Variants in TWSG1 observed in about 807,000 individuals in gnomAD.
The protein encoded by TWSG1 is twisted gastrulation BMP signaling modulator 1.
Under a neutral mutation model 23.0 loss-of-function variants are expected in TWSG1, and 15 were observed. The ratio of observed to expected loss-of-function variants is 0.65; its 90% CI spans 0.44 to 1.00. TWSG1 has a LOEUF of 1.00. Ranked by LOEUF, TWSG1 falls within the 50% of genes least tolerant of loss-of-function variation. The pLI is 0.00. For missense variants in TWSG1, 242 were observed against 278.7 expected (o/e 0.87, Z 0.94); for synonymous variants, 86 against 92.8 (o/e 0.93, Z 0.42).
intron 3 of TWSG1, among the ~76,000 whole-genome samples, chr18:9,374,048 G>C (rs887908253): frequency 6.6e-6 from 1 of 152,164 alleles, no homozygotes; most frequent in Non-Finnish European, 1.5e-5. Flanking sequence ...CATGAAAGCA[G>C]TGTTTAAGGG....
intron 3 of TWSG1, among the ~76,000 whole-genome samples, chr18:9,361,532 G>A (rs965541642): frequency 3.9e-5 from 6 of 152,116 alleles, no homozygotes; most frequent in Non-Finnish European, 8.8e-5. Flanking sequence ...TTTCACTGAC[G>A]AGCCCTCTAT....
intron 2 of TWSG1, among the ~76,000 whole-genome samples, chr18:9,356,904 TA>T (rs1291146858): frequency 4.1e-5 from 6 of 147,508 alleles, no homozygotes; most frequent in Non-Finnish European, 8.9e-5. Flanking sequence ...ATTTTCTACA[TA>T]TAAAGTAAAT....
In TWSG1 at chr18:9,377,970, C is replaced by T. The variant is rs565727661; in HGVS notation, c.223+17899C>T. Among the ~76,000 whole-genome samples, 12 of 152,038 alleles carry T rather than the reference C, an allele frequency of 7.9e-5. 1 individual carries two copies. In the South Asian group the frequency reaches 2.3e-3, roughly 29 times the overall value. On this transcript the variant is annotated intron_variant, in intron 3 of 4. Transcript: ENST00000262120. ...TTAAGCTCAAGTGATCCACCCGCCTCGGCCTCCCAAAGTGCTGGGATTACA... is the reference window on the plus strand; with the variant it reads ...TTAAGCTCAAGTGATCCACCCGCCTTGGCCTCCCAAAGTGCTGGGATTACA...
In TWSG1 at chr18:9,400,664, TATA is replaced by T. The variant is rs2040758934; in HGVS notation, c.*1140_*1142del. 1.3e-5 allele frequency: 2 copies of T among 152,348 alleles called. No homozygotes were observed. Among genetic ancestry groups the T allele is most frequent in the Admixed American group, 1.3e-4 (2 of 15,304 alleles). 9.4% of individuals were successfully genotyped at this position (152,348 alleles called of 1,614,324 possible). A position where few individuals can be genotyped will look rare whatever the true frequency, so the allele number is the denominator to read the frequency against. ...GGATATAATGTTCTTTTTAAACAAG[TATA>T]ATCATATCGTCGGAGGTTAAGATTA... On this transcript the variant is annotated 3_prime_UTR_variant, in exon 5 of 5. Coordinates refer to ENST00000262120, the MANE Select transcript of TWSG1 (RefSeq NM_020648.6).
At chr18:9,376,551 T>C (rs2145621148) in intron 3 of TWSG1, among the ~76,000 whole-genome samples, 1 of 152,250 alleles carries the variant, frequency 6.6e-6, no homozygotes, top group East Asian at 1.9e-4. Flanking sequence ...AGATCAAAAA[T>C]GTAGTTAGGG....
intron 2 of TWSG1, among the ~76,000 whole-genome samples, chr18:9,342,769 T>C (rs1276073302): frequency 1.2e-4 from 18 of 152,182 alleles, no homozygotes; most frequent in Admixed American, 1.2e-3. Flanking sequence ...TATCTTGTTG[T>C]TTTTAACAGT....
intron 3 of TWSG1, among the ~76,000 whole-genome samples, chr18:9,377,105 G>C (rs2040633954): frequency 6.6e-6 from 1 of 152,108 alleles, no homozygotes; most frequent in African/African-American, 2.4e-5. Context: ...TTTCCTGGGG[G>C]GTCCTGGAAC....
At chr18:9,359,062 A>G (rs1483967452) in intron 2 of TWSG1, among the ~76,000 whole-genome samples, 1 of 152,138 alleles carries the variant, frequency 6.6e-6, no homozygotes, top group Non-Finnish European at 1.5e-5. Flanking sequence ...TGGAATAACA[A>G]ACCACCCTAA....
chr18:9,350,784 A>G (rs1261122711), intron 2 of TWSG1, among the ~76,000 whole-genome samples: 4 of 152,228 alleles, frequency 2.6e-5, no homozygotes, highest in Non-Finnish European at 2.9e-5. Flanking sequence ...CAACATGCTA[A>G]TGAGGTTGGG....
intron 3 of TWSG1, among the ~76,000 whole-genome samples, chr18:9,382,240 G>T (rs934420319): frequency 6.6e-6 from 1 of 152,128 alleles, no homozygotes; most frequent in African/African-American, 2.4e-5. Flanking sequence ...GCTGGGCATG[G>T]TGGCTGGGAG....
chr18:9,356,694 G>A (rs1015093261), intron 2 of TWSG1, among the ~76,000 whole-genome samples: 6 of 151,954 alleles, frequency 3.9e-5, no homozygotes, highest in East Asian at 3.9e-4. Context: ...CTCCAAAATC[G>A]GAAACTTTCT....
At chr18:9,393,767 T>G (rs1206679472) in intron 3 of TWSG1, among the ~76,000 whole-genome samples, 1 of 152,122 alleles carries the variant, frequency 6.6e-6, no homozygotes, top group Non-Finnish European at 1.5e-5. Context: ...CACTATATTG[T>G]CCTGGCTGGT....
In TWSG1 at chr18:9,364,049, T is replaced by G. The variant is rs141878727; in HGVS notation, c.223+3978T>G. 2.9e-3 allele frequency among the ~76,000 whole-genome samples: 449 copies of G among 152,372 alleles called. 2 individuals carry two copies. Among genetic ancestry groups the G allele is most frequent in the African/African-American group, 0.01 (424 of 41,594 alleles). ...TCAAGATCCAACAAAGATTACTCACTGTATTTGGTTGTTAGATTTCTTAAG... is the reference window on the plus strand; with the variant it reads ...TCAAGATCCAACAAAGATTACTCACGGTATTTGGTTGTTAGATTTCTTAAG... On this transcript the variant is annotated intron_variant, in intron 3 of 4. Coordinates refer to ENST00000262120, the MANE Select transcript of TWSG1 (RefSeq NM_020648.6).
Position 9,344,531 on chromosome 18 carries a change from A to ATGTTTTTTT in TWSG1, c.123+7180_123+7181insGTTTTTTTT, listed in dbSNP as rs756535502. ...TGTGTGTGTGTGTGTGTATGTATGTATTTTTTTTTTTTTTTGAGAGAGGAT... is the reference window on the plus strand; with the variant it reads ...TGTGTGTGTGTGTGTGTATGTATGTATGTTTTTTTTTTTTTTTTTTTTTTGAGAGAGGAT... On this transcript the variant is annotated intron_variant, in intron 2 of 4. Transcript: ENST00000262120. 2.7e-3 allele frequency among the ~76,000 whole-genome samples: 273 copies of ATGTTTTTTT among 102,076 alleles called. 24 individuals carry two copies. The East Asian group carries it at 0.033, about 12-fold the overall frequency. 67.0% of individuals were successfully genotyped at this position (102,076 alleles called of 152,430 possible).
intron 3 of TWSG1, among the ~76,000 whole-genome samples, chr18:9,378,051 A>G (rs2040639283): frequency 6.6e-6 from 1 of 152,268 alleles, no homozygotes; most frequent in Admixed American, 6.5e-5. Context: ...AATACATGAA[A>G]GAAAGAACTG....
chr18:9,349,646 C>T (rs1464584103), intron 2 of TWSG1, among the ~76,000 whole-genome samples: 2 of 152,082 alleles, frequency 1.3e-5, no homozygotes, highest in Non-Finnish European at 2.9e-5. Context: ...TTACAGTAAA[C>T]TAAAGAATTA....
chr18:9,365,962 C>T (rs2040576821), intron 3 of TWSG1, among the ~76,000 whole-genome samples: 1 of 152,148 alleles, frequency 6.6e-6, no homozygotes. Context: ...GCTATAATTG[C>T]ACCCCTGCAC....
At position 9,400,606 on chromosome 18, in the gene TWSG1, T is replaced by C. The variant is rs192899622; in HGVS notation, c.*1079T>C. On this transcript the variant is annotated 3_prime_UTR_variant, in exon 5 of 5. Coordinates refer to ENST00000262120, the MANE Select transcript of TWSG1 (RefSeq NM_020648.6). ...GGAAACAAAACTATCTATGTTCATA[T>C]TTTGTAATATTTCATTTGTTAAGTT... The C allele has an allele frequency of 6.6e-6, 1 of 152,380 alleles. No individual in the cohort carries two copies. The highest frequency in any genetic ancestry group is 1.5e-5 in the Non-Finnish European group (1 of 68,038). 9.4% of individuals were successfully genotyped at this position (152,380 alleles called of 1,614,324 possible). A position where few individuals can be genotyped will look rare whatever the true frequency, so the allele number is the denominator to read the frequency against.
At chr18:9,371,530 C>T (rs1417129667) in intron 3 of TWSG1, among the ~76,000 whole-genome samples, 1 of 151,946 alleles carries the variant, frequency 6.6e-6, no homozygotes, top group Non-Finnish European at 1.5e-5. Flanking sequence ...CTCCTGACCT[C>T]GTGATCCGCC....
Sources: allele counts gnomAD v4.1 joint callset (sites outside exome capture counted in the v4.1 genomes callset), GRCh38; gene constraint gnomAD v4.1.1; transcripts MANE v1.5; gene names NCBI Gene and HGNC (gene_info 2026-07-23, HGNC 2026-07-21).